The following ODAD2 variants were observed in gnomAD, a reference collection of about 807,000 sequenced individuals.
The protein encoded by ODAD2 is outer dynein arm-docking complex subunit 2.
A neutral mutation model predicts 106.8 loss-of-function variants in ODAD2; 89 were observed. The ratio of observed to expected loss-of-function variants is 0.83; its 90% CI spans 0.70 to 0.99. ODAD2 has a LOEUF of 0.99. Among genes scored for constraint, ODAD2 ranks in the 50% least tolerant of loss-of-function variants. ODAD2 has a pLI of 0.00. For synonymous variants in ODAD2, 404 were observed against 436.2 expected (o/e 0.93, Z 0.92); for missense variants, 1,168 against 1,238.5 (o/e 0.94, Z 0.85).
At chr10:27,875,460 T>G (rs922320842) in intron 17 of ODAD2, among the ~76,000 whole-genome samples, 2 of 150,768 alleles carry the variant, frequency 1.3e-5, no homozygotes, top group African/African-American at 5.0e-5. Flanking sequence ...GCTTTTCTGC[T>G]CTGTTTTTCC....
intron 11 of ODAD2, 77 bp from the exon 12 acceptor site, chr10:27,944,508 A>C: frequency 7.7e-7 from 1 of 1,299,222 alleles, no homozygotes; most frequent in Non-Finnish European, 1.1e-6. Flanking sequence ...TATACCTAAA[A>C]TCCTTCCCCA....
At chr10:27,972,867 G>T (rs555356799) in intron 7 of ODAD2, among the ~76,000 whole-genome samples, 2 of 152,104 alleles carry the variant, frequency 1.3e-5, no homozygotes, top group South Asian at 4.2e-4. Context: ...CATCAGTAAT[G>T]ATATAGAAGA....
chr10:27,938,089 C>T (rs989206890), intron 14 of ODAD2, among the ~76,000 whole-genome samples: 3 of 152,046 alleles, frequency 2.0e-5, no homozygotes, highest in African/African-American at 7.2e-5. Flanking sequence ...GATTACACCA[C>T]CACACCTGGC....
chr10:27,913,652 C>T (rs1463920608), intron 16 of ODAD2, among the ~76,000 whole-genome samples: 1 of 151,886 alleles, frequency 6.6e-6, no homozygotes, highest in Non-Finnish European at 1.5e-5. Context: ...GCTGAATAAC[C>T]CCATTGAAAA....
chr10:27,891,378 G>GTT (rs200672255), intron 17 of ODAD2, among the ~76,000 whole-genome samples: 2 of 143,406 alleles, frequency 1.4e-5, no homozygotes, highest in African/African-American at 2.5e-5. Context: ...AGAGTTTTTT[G>GTT]TTTTTTTTTT....
chr10:27,910,092 G>A (rs184586455), intron 16 of ODAD2, among the ~76,000 whole-genome samples: 131 of 151,896 alleles, frequency 8.6e-4, no homozygotes, highest in African/African-American at 2.9e-3. Context: ...TATCAGGATC[G>A]TTGTGTGAGG....
intron 3 of ODAD2, 42 bp downstream of exon 3, chr10:27,987,344 G>T: frequency 6.3e-7 from 1 of 1,580,542 alleles, no homozygotes; most frequent in Non-Finnish European, 8.6e-7. Flanking sequence ...CAGCAAGATT[G>T]TTTCTAAAAG....
intron 19 of ODAD2, among the ~76,000 whole-genome samples, chr10:27,816,410 C>T (rs999094113): frequency 6.6e-6 from 1 of 152,104 alleles, no homozygotes; most frequent in African/African-American, 2.4e-5. Flanking sequence ...TGTATCATTC[C>T]TTTTCTCCAG....
intron 8 of ODAD2, 93 bp downstream of exon 8, chr10:27,971,015 C>CA (rs1564563728): frequency 2.9e-6 from 1 of 342,680 alleles, no homozygotes; most frequent in Non-Finnish European, 4.8e-6. Flanking sequence ...AATAAACAAA[C>CA]AAACAAAATA....
At chr10:27,924,037 AAAGAAG>A in intron 16 of ODAD2, among the ~76,000 whole-genome samples, 1 of 146,440 alleles carries the variant, frequency 6.8e-6, no homozygotes, top group African/African-American at 2.7e-5. Flanking sequence ...AAAGAGAAAG[AAAGAAG>A]GAAAGAGAAA....
At chr10:27,870,761 A>G (rs1316662240) in intron 17 of ODAD2, among the ~76,000 whole-genome samples, 1 of 152,120 alleles carries the variant, frequency 6.6e-6, no homozygotes, top group Non-Finnish European at 1.5e-5. Flanking sequence ...TCATTGATGG[A>G]CATTTGGGTT....
intron 19 of ODAD2, among the ~76,000 whole-genome samples, chr10:27,847,417 C>T (rs1247520124): frequency 2.0e-5 from 3 of 152,164 alleles, no homozygotes; most frequent in Non-Finnish European, 4.4e-5. Flanking sequence ...ATCGATGGGA[C>T]GTATCTCAAA....
chr10:27,994,968 A>G lies in ODAD2; in HGVS notation c.175T>C (p.Trp59Arg), dbSNP rs754307598. The G allele has an allele frequency of 1.2e-5, 19 of 1,614,108 alleles. No individual in the cohort carries two copies. The highest frequency in any genetic ancestry group is 1.6e-5 in the Non-Finnish European group (19 of 1,180,044). ...GCTGAGGGCGCCAAACTTGTGTTCC[A>G]TTCAAGTGGTTCCACAAAAACAAAT... ...AKFVFVEPLE[W>R]NTSLAPSAFE... The change falls in exon 2 of 20, where the codon TGG becomes CGG. Residue 59 changes from tryptophan to arginine, a missense_variant. Physicochemically the swap from Trp to Arg is moderately radical, Grantham distance 101. Coordinates refer to ENST00000305242, the MANE Select transcript of ODAD2 (RefSeq NM_018076.5).
At chr10:27,894,494 A>C (rs1334719) in intron 17 of ODAD2, among the ~76,000 whole-genome samples, 100,687 of 151,828 alleles carry the variant, frequency 0.66, 33,724 homozygotes, top group Middle Eastern at 0.74. Flanking sequence ...AAACAAATAT[A>C]TGGGGAGCTA....
intron 16 of ODAD2, among the ~76,000 whole-genome samples, chr10:27,917,668 G>A (rs957948091): frequency 2.0e-5 from 3 of 151,950 alleles, no homozygotes; most frequent in Non-Finnish European, 2.9e-5. Flanking sequence ...AGTAAATATT[G>A]TAGGCTTTGT....
At chr10:27,986,807 A>T (rs1849900134) in intron 3 of ODAD2, among the ~76,000 whole-genome samples, 1 of 151,640 alleles carries the variant, frequency 6.6e-6, no homozygotes, top group African/African-American at 2.4e-5. Flanking sequence ...TGAACATCAC[A>T]TATTTTTAAG....
intron 19 of ODAD2, among the ~76,000 whole-genome samples, chr10:27,855,514 A>G (rs1251376080): frequency 6.6e-6 from 1 of 152,236 alleles, no homozygotes; most frequent in Non-Finnish European, 1.5e-5. Context: ...CAGCGACATT[A>G]AGAGTTTTAA....
At chr10:27,973,804 T>C (rs1056557860) in intron 7 of ODAD2, among the ~76,000 whole-genome samples, 1 of 152,216 alleles carries the variant, frequency 6.6e-6, no homozygotes, top group Non-Finnish European at 1.5e-5. Flanking sequence ...TACCCAGTAA[T>C]GAAGTTGCTG....
intron 16 of ODAD2, among the ~76,000 whole-genome samples, chr10:27,932,842 C>CA (rs1179561262): frequency 6.6e-6 from 1 of 152,156 alleles, no homozygotes; most frequent in Non-Finnish European, 1.5e-5. Flanking sequence ...AATGTATAGT[C>CA]AATGTTCCAC....
Sources: gnomAD v4.1 joint callset for allele counts (sites outside exome capture counted in the v4.1 genomes callset) on GRCh38, gnomAD v4.1.1 for gene constraint, MANE v1.5 for transcripts, NCBI Gene and HGNC (gene_info 2026-07-23, HGNC 2026-07-21) for gene names.